Variants in HIPK3 observed in about 807,000 individuals in gnomAD.
HIPK3 encodes the protein homeodomain-interacting protein kinase 3.
Under a neutral mutation model 124.2 loss-of-function variants are expected in HIPK3, and 47 were observed. That is an observed-to-expected ratio of 0.38 (90% CI 0.30 to 0.48). HIPK3 has a LOEUF of 0.48. HIPK3 is among the 20% of genes least tolerant of loss of function. The pLI, the probability that HIPK3 is intolerant of heterozygous loss-of-function variation, is 0.98. For missense variants in HIPK3, 1,286 were observed against 1,454.3 expected, an observed-to-expected ratio of 0.88 and a Z score of 1.88; for synonymous variants, 482 against 515.2, an observed-to-expected ratio of 0.94 and a Z score of 0.87.
At position 33,349,298 on chromosome 11, in the gene HIPK3, C is replaced by T; in HGVS notation, c.2807+11C>T. ...CAAGAGACCGAATAGGTAAAAGAAT[C>T]TCAATAGTAGTGTGTAATAAATAGT... On this transcript the variant is annotated intron_variant, in intron 14 of 16. Coordinates refer to ENST00000303296, the MANE Select transcript of HIPK3 (RefSeq NM_005734.5). 6.2e-7 allele frequency: 1 copy of T among 1,606,394 alleles called. No homozygotes were observed. The highest frequency in any genetic ancestry group is 8.5e-7 in the Non-Finnish European group (1 of 1,176,262).
chr11:33,310,221 G>T (rs951259985), intron 2 of HIPK3, among the ~76,000 whole-genome samples: 3 of 150,258 alleles, frequency 2.0e-5, no homozygotes, highest in African/African-American at 7.5e-5. Context: ...TGGCTGGCTG[G>T]CTATCTTTGT....
chr11:33,257,310 G>C (rs1397680256), upstream of HIPK3: 1 of 983,482 alleles, frequency 1.0e-6, no homozygotes, highest in Non-Finnish European at 1.2e-6. Context: ...GCTGCCGGGC[G>C]GGCGGTGGCG....
chr11:33,257,717 C>G lies in HIPK3; in HGVS notation c.-175C>G, dbSNP rs1478486930. On this transcript the variant is annotated 5_prime_UTR_variant, in exon 1 of 17. Coordinates refer to ENST00000303296, the MANE Select transcript of HIPK3 (RefSeq NM_005734.5). Reference sequence around the variant, plus strand: ...GGGGGAGGGTGTTTCGCCGTTTCCTCTCAGCCGCCAGGACAAGATGGCAGC... The same window carrying G: ...GGGGGAGGGTGTTTCGCCGTTTCCTGTCAGCCGCCAGGACAAGATGGCAGC... 1 of 989,946 alleles carries G rather than the reference C, an allele frequency of 1.0e-6. No individual in the cohort carries two copies. Among genetic ancestry groups the G allele is most frequent in the Non-Finnish European group, 1.2e-6 (1 of 833,048 alleles). 61.3% of individuals were successfully genotyped at this position (989,946 alleles called of 1,614,324 possible). A position where few individuals can be genotyped will look rare whatever the true frequency, so the allele number is the denominator to read the frequency against.
At chr11:33,350,527 A>G (rs557420453) in intron 14 of HIPK3, among the ~76,000 whole-genome samples, 6 of 150,386 alleles carry the variant, frequency 4.0e-5, no homozygotes, top group East Asian at 3.9e-4. Context: ...AAAAAAAAAA[A>G]GCAGGATGTG....
intron 2 of HIPK3, among the ~76,000 whole-genome samples, chr11:33,312,131 A>G (rs1027320547): frequency 2.6e-5 from 4 of 152,202 alleles, no homozygotes; most frequent in African/African-American, 7.2e-5. Context: ...AGAAGCTCCA[A>G]CTACAGATGT....
chr11:33,271,138 G>T (rs909018901), intron 1 of HIPK3, among the ~76,000 whole-genome samples: 1 of 152,050 alleles, frequency 6.6e-6, no homozygotes, highest in Non-Finnish European at 1.5e-5. Flanking sequence ...AAATTGCAAG[G>T]TTCTATGAAT....
chr11:33,286,229 A>G (rs1851546377), intron 1 of HIPK3, among the ~76,000 whole-genome samples, 184 bp from the exon 2 acceptor site: 2 of 152,168 alleles, frequency 1.3e-5, no homozygotes, highest in Admixed American at 6.5e-5. Context: ...TGGAGATATT[A>G]TAAAGATAGT....
Position 33,286,822 on chromosome 11 carries a change from T to C in HIPK3, c.408T>C (p.Asn136=). ...AGCGCAAGAGTGAGGAGTTGGATAA[T>C]CATAGCAGCGCAATGCAGATTGTCG... ...GLKRKSEELD[N]HSSAMQIVDE... Residue 136 remains asparagine (N), a synonymous_variant, in exon 2 of 17, where the codon AAT becomes AAC. Transcript: ENST00000303296. The C allele has an allele frequency of 6.2e-7, 1 of 1,614,102 alleles. No individual in the cohort carries two copies. The highest frequency in any genetic ancestry group is 8.5e-7 in the Non-Finnish European group (1 of 1,180,016).
chr11:33,263,044 A>G (rs1850867124), intron 1 of HIPK3, among the ~76,000 whole-genome samples: 2 of 151,878 alleles, frequency 1.3e-5, no homozygotes, highest in African/African-American at 4.8e-5. Context: ...GAATTTTTTC[A>G]TTTTTTGTAG....
chr11:33,351,576 T>C lies in HIPK3; in HGVS notation c.2808-32T>C, dbSNP rs749124881. ...CATTAGATTTAATGTTGGAAAAAAA[T>C]ATCACTCATAAAAAATGCTTTCTTT... On this transcript the variant is annotated intron_variant, in intron 14 of 16. Transcript: ENST00000303296. 2.7e-6 allele frequency: 4 copies of C among 1,487,504 alleles called. No individual in the cohort carries two copies. The African/African-American group carries it at 4.1e-5, about 15-fold the overall frequency. The allele number at this position is 1,487,504 out of a possible 1,614,324, so 92.1% of individuals were successfully genotyped here.
intron 2 of HIPK3, among the ~76,000 whole-genome samples, chr11:33,310,602 C>T (rs1163173512): frequency 4.6e-5 from 7 of 152,058 alleles, no homozygotes; most frequent in African/African-American, 1.7e-4. Context: ...AGCCACCGTG[C>T]CCAGCCTATT....
chr11:33,306,287 A>G (rs1386898009), intron 2 of HIPK3, among the ~76,000 whole-genome samples: 1 of 152,220 alleles, frequency 6.6e-6, no homozygotes, highest in Non-Finnish European at 1.5e-5. Context: ...AAATGGTTAA[A>G]TATAATTATA....
chr11:33,352,288 A>G (rs1355814383), intron 16 of HIPK3, 23 bp downstream of exon 16: 10 of 1,611,994 alleles, frequency 6.2e-6, no homozygotes, highest in Non-Finnish European at 7.6e-6. Context: ...GTGGATATGT[A>G]GGAGTCTGTG....
At chr11:33,340,936 A>C in intron 6 of HIPK3, 32 bp from the exon 7 acceptor site, 2 of 1,353,606 alleles carry the variant, frequency 1.5e-6, no homozygotes, top group African/African-American at 3.0e-5. Flanking sequence ...TTTTAAAATA[A>C]TACTGTAATA....
At chr11:33,265,836 A>T (rs978531328) in intron 1 of HIPK3, among the ~76,000 whole-genome samples, 1 of 149,922 alleles carries the variant, frequency 6.7e-6, no homozygotes, top group Admixed American at 6.7e-5. Flanking sequence ...CTGTAATCCC[A>T]GTACTTGGGG....
intron 2 of HIPK3, among the ~76,000 whole-genome samples, chr11:33,302,407 A>C (rs1014048819): frequency 7.1e-6 from 1 of 141,052 alleles, no homozygotes; most frequent in Non-Finnish European, 1.5e-5. Context: ...CACAATGCCT[A>C]CTCACTGCAA....
intron 1 of HIPK3, among the ~76,000 whole-genome samples, chr11:33,278,704 C>T (rs904283513): frequency 1.3e-5 from 2 of 151,934 alleles, no homozygotes; most frequent in Non-Finnish European, 1.5e-5. Context: ...ATTAGCCGGG[C>T]GTGGTGGTGG....
At position 33,329,692 on chromosome 11, in the gene HIPK3, TC is replaced by T. The variant is rs1202682779; in HGVS notation, c.1221+1061del. On this transcript the variant is annotated intron_variant, in intron 3 of 16. Coordinates refer to ENST00000303296, the MANE Select transcript of HIPK3 (RefSeq NM_005734.5). ...ACCTTCCCTCCTCCATGTTCAGAAT[TC>T]CACTGGGTTTCTGTAAAATTTTCCA... 3.9e-5 allele frequency among the ~76,000 whole-genome samples: 6 copies of T among 152,314 alleles called. No individual in the cohort carries two copies. The East Asian group carries it at 1.2e-3, about 29-fold the overall frequency.
intron 1 of HIPK3, among the ~76,000 whole-genome samples, chr11:33,285,719 A>G (rs886343091): frequency 2.6e-5 from 4 of 152,082 alleles, no homozygotes; most frequent in Non-Finnish European, 5.9e-5. Flanking sequence ...TGGTTCATAC[A>G]TTTGAATTTG....
Sources: gnomAD v4.1 joint callset for allele counts (sites outside exome capture counted in the v4.1 genomes callset) on GRCh38, gnomAD v4.1.1 for gene constraint, MANE v1.5 for transcripts, NCBI Gene and HGNC (gene_info 2026-07-23, HGNC 2026-07-21) for gene names.